The following VEZT variants were observed in gnomAD, a reference collection of about 807,000 sequenced individuals.
The protein encoded by VEZT is vezatin.
Under a neutral mutation model 79.9 loss-of-function variants are expected in VEZT, and 39 were observed. The observed-to-expected ratio is 0.49, with a 90% CI of 0.38 to 0.64. The LOEUF (loss-of-function observed/expected upper bound fraction) is 0.64, where lower values mean the gene tolerates loss of function less well. Ranked by LOEUF, VEZT falls within the 30% of genes least tolerant of loss-of-function variation. The pLI is 0.00. For synonymous variants in VEZT, 325 were observed against 327.6 expected, an observed-to-expected ratio of 0.99 and a Z score of 0.09; for missense variants, 837 against 893.1, an observed-to-expected ratio of 0.94 and a Z score of 0.80.
At chr12:95,275,241 T>A (rs984193362) in intron 7 of VEZT, among the ~76,000 whole-genome samples, 7 of 152,246 alleles carry the variant, frequency 4.6e-5, no homozygotes, top group African/African-American at 1.7e-4. Flanking sequence ...TCCAAAATTC[T>A]TAAGTTTTTT....
At chr12:95,260,089 G>C (rs1164741902) in intron 3 of VEZT, among the ~76,000 whole-genome samples, 2 of 143,094 alleles carry the variant, frequency 1.4e-5, no homozygotes, top group Non-Finnish European at 3.0e-5. Flanking sequence ...GTAGGTTGTT[G>C]GTTGATCACT....
At chr12:95,297,287 C>A (rs896102891) in intron 11 of VEZT, among the ~76,000 whole-genome samples, 1 of 152,134 alleles carries the variant, frequency 6.6e-6, no homozygotes, top group Non-Finnish European at 1.5e-5. Context: ...AGTGTGGATT[C>A]TCTTCCATTT....
intron 3 of VEZT, among the ~76,000 whole-genome samples, chr12:95,258,466 C>T (rs1952057101): frequency 6.6e-6 from 1 of 152,074 alleles, no homozygotes; most frequent in African/African-American, 2.4e-5. Flanking sequence ...GAATACATAC[C>T]TAAGGATTAG....
chr12:95,252,112 A>T, intron 2 of VEZT, 41 bp downstream of exon 2: 1 of 1,579,286 alleles, frequency 6.3e-7, no homozygotes, highest in South Asian at 1.2e-5. Context: ...AATCTTTTGC[A>T]CTTTACCTTA....
intron 1 of VEZT, among the ~76,000 whole-genome samples, chr12:95,224,653 T>C (rs1378863061): frequency 6.6e-6 from 1 of 152,228 alleles, no homozygotes; most frequent in African/African-American, 2.4e-5. Flanking sequence ...TTTGAAGAGC[T>C]GAAAGCTTGT....
At chr12:95,224,606 A>G (rs1234012312) in intron 1 of VEZT, among the ~76,000 whole-genome samples, 1 of 152,092 alleles carries the variant, frequency 6.6e-6, no homozygotes, top group Non-Finnish European at 1.5e-5. Flanking sequence ...CTTTCATTCA[A>G]CTTAGATCTC....
In VEZT at chr12:95,287,851, A is replaced by T; in HGVS notation, c.1516A>T (p.Lys506Ter). The change falls in exon 9 of 12, where the codon AAA (lysine) becomes TAA (stop). Residue 506 changes from lysine (K) to a stop codon, truncating the protein, a stop_gained. Coordinates refer to ENST00000436874, the MANE Select transcript of VEZT (RefSeq NM_017599.4). LOFTEE classifies it high-confidence loss of function. ...CAAACTGCTACGAAGAAATACAGAT[A>T]AAAAAGGTACCTGTGAGAGATTTCT... is the stretch of plus-strand genomic sequence containing the variant. ...VDKLLRRNTD[K>*]KGKPEIACEN... 1 of 1,588,206 alleles carries T rather than the reference A, an allele frequency of 6.3e-7. No individual in the cohort carries two copies. The highest frequency in any genetic ancestry group is 8.6e-7 in the Non-Finnish European group (1 of 1,166,504).
chr12:95,251,237 C>T (rs939613153), intron 1 of VEZT, among the ~76,000 whole-genome samples: 4 of 152,174 alleles, frequency 2.6e-5, no homozygotes, highest in Admixed American at 6.5e-5. Context: ...TCTGAAACTC[C>T]TCACCTCAGA....
intron 1 of VEZT, among the ~76,000 whole-genome samples, chr12:95,239,284 G>A (rs535459131): frequency 6.6e-6 from 1 of 152,338 alleles, no homozygotes; most frequent in East Asian, 1.9e-4. Context: ...GATGAAATAA[G>A]TTAACTTTTC....
chr12:95,279,479 C>T (rs529382414), intron 7 of VEZT, among the ~76,000 whole-genome samples: 2 of 152,328 alleles, frequency 1.3e-5, no homozygotes, highest in East Asian at 1.9e-4. Context: ...GTTTACCTAT[C>T]AGCTATGGTT....
chr12:95,275,319 C>T (rs1201847465), intron 7 of VEZT, among the ~76,000 whole-genome samples: 1 of 152,004 alleles, frequency 6.6e-6, no homozygotes, highest in African/African-American at 2.4e-5. Flanking sequence ...TTGGGCTGGC[C>T]GGGTGGCTCA....
intron 5 of VEZT, among the ~76,000 whole-genome samples, chr12:95,267,405 A>G (rs937778312): frequency 3.9e-5 from 6 of 152,128 alleles, no homozygotes; most frequent in African/African-American, 1.2e-4. Context: ...AGTATATTTA[A>G]TAATTTATAT....
rs139912589 is a variant in VEZT, at chr12:95,295,213, T to G, written c.1624-838T>G. 6.4e-3 allele frequency among the ~76,000 whole-genome samples: 980 copies of G among 152,254 alleles called. 12 individuals are homozygous for G. The highest frequency in any genetic ancestry group is 0.022 in the African/African-American group (927 of 41,546). ...TCTCACTCTGTGGCCCAGGCTGGAG[T>G]GCAGGGGCGCGATCTCGGCTCACTG... On this transcript the variant is annotated intron_variant, in intron 10 of 11. Coordinates refer to ENST00000436874, the MANE Select transcript of VEZT (RefSeq NM_017599.4).
At chr12:95,251,161 C>A (rs2062543727) in intron 1 of VEZT, among the ~76,000 whole-genome samples, 1 of 152,142 alleles carries the variant, frequency 6.6e-6, no homozygotes, top group South Asian at 2.1e-4. Context: ...CAGGCACAAG[C>A]CTTCATGCCT....
chr12:95,238,069 C>A (rs988417857), intron 1 of VEZT, among the ~76,000 whole-genome samples: 25 of 152,070 alleles, frequency 1.6e-4, no homozygotes, highest in African/African-American at 6.0e-4. Flanking sequence ...GCATTTTGAA[C>A]CTTATAGAAT....
intron 7 of VEZT, among the ~76,000 whole-genome samples, chr12:95,277,371 G>A (rs1023421910): frequency 5.3e-5 from 8 of 152,088 alleles, no homozygotes; most frequent in South Asian, 2.1e-4. Context: ...CAGCTTGCCC[G>A]TGAAAATTCT....
chr12:95,266,862 T>A (rs974083560), intron 5 of VEZT, among the ~76,000 whole-genome samples: 1 of 152,156 alleles, frequency 6.6e-6, no homozygotes, highest in Non-Finnish European at 1.5e-5. Flanking sequence ...TAAAGTACTT[T>A]GGAGATCATG....
chr12:95,247,273 G>C (rs1212070515), intron 1 of VEZT, among the ~76,000 whole-genome samples: 3 of 152,140 alleles, frequency 2.0e-5, no homozygotes, highest in Admixed American at 6.5e-5. Flanking sequence ...ACAATGATCA[G>C]AAAAGACTAT....
At chr12:95,256,341 G>A (rs555428014) in intron 2 of VEZT, among the ~76,000 whole-genome samples, 24 of 152,236 alleles carry the variant, frequency 1.6e-4, no homozygotes, top group Non-Finnish European at 2.4e-4. Context: ...ATGAGCCACC[G>A]TGCCCAACTC....
Sources: gnomAD v4.1 joint callset for allele counts (sites outside exome capture counted in the v4.1 genomes callset) on GRCh38, gnomAD v4.1.1 for gene constraint, MANE v1.5 for transcripts, NCBI Gene and HGNC (gene_info 2026-07-23, HGNC 2026-07-21) for gene names.